The following GABRA2 variants were observed in gnomAD, a reference collection of about 807,000 sequenced individuals.
GABRA2 encodes the protein gamma-aminobutyric acid receptor subunit alpha-2.
Under a neutral mutation model 48.7 loss-of-function variants are expected in GABRA2, and 16 were observed. The observed-to-expected ratio is 0.33, with a 90% confidence interval of 0.22 to 0.50. The LOEUF is 0.50. Among genes scored for constraint, GABRA2 ranks in the 20% least tolerant of loss-of-function variants. The pLI, the probability that GABRA2 is intolerant of heterozygous loss-of-function variation, is 0.98. For synonymous variants in GABRA2, 185 were observed against 184.5 expected, an observed-to-expected ratio of 1.00 and a Z score of -0.02; for missense variants, 275 against 535.6, an observed-to-expected ratio of 0.51 and a Z score of 4.80.
At chr4:46,261,820 T>C (rs1717034413) in intron 9 of GABRA2, 106 bp downstream of exon 9, 9 of 929,766 alleles carry the variant, frequency 9.7e-6, no homozygotes, top group Non-Finnish European at 1.2e-5. Context: ...TTCAAATTCA[T>C]ATATATATGG....
At chr4:46,316,445 G>A (rs919276002) in intron 4 of GABRA2, among the ~76,000 whole-genome samples, 2 of 151,960 alleles carry the variant, frequency 1.3e-5, no homozygotes, top group African/African-American at 4.8e-5. Flanking sequence ...ACAAATATAG[G>A]CAGCTGACAG....
chr4:46,373,604 A>G (rs1008403359), intron 3 of GABRA2, among the ~76,000 whole-genome samples: 1 of 152,164 alleles, frequency 6.6e-6, no homozygotes, highest in Admixed American at 6.5e-5. Context: ...CTGCAACTCT[A>G]TAATTGCCAC....
chr4:46,329,499 C>A (rs1730973685), intron 4 of GABRA2, among the ~76,000 whole-genome samples: 1 of 152,066 alleles, frequency 6.6e-6, no homozygotes, highest in Admixed American at 6.6e-5. Flanking sequence ...CTGCACGTTC[C>A]TGTAGCAGCA....
chr4:46,254,405 T>C (rs1715409230), intron 9 of GABRA2, among the ~76,000 whole-genome samples: 1 of 151,552 alleles, frequency 6.6e-6, no homozygotes, highest in Admixed American at 6.6e-5. Flanking sequence ...TTTTTAACGC[T>C]TATGTTCCTA....
chr4:46,306,272 C>A (rs1726680061), intron 6 of GABRA2, among the ~76,000 whole-genome samples: 1 of 152,080 alleles, frequency 6.6e-6, no homozygotes. Flanking sequence ...CTTTTAAAAT[C>A]ATGCTCGTTT....
intron 8 of GABRA2, 33 bp from the exon 9 acceptor site, chr4:46,262,161 A>G: frequency 6.3e-7 from 1 of 1,575,130 alleles, no homozygotes; most frequent in Non-Finnish European, 8.7e-7. Context: ...CGAAAACATC[A>G]ATAGGTACTA....
At position 46,243,591 on chromosome 4, in the gene GABRA2, A is replaced by G. The variant is rs1713153969; in HGVS notation, c.*6717T>C. On this transcript the variant is annotated 3_prime_UTR_variant, in exon 10 of 10. Coordinates refer to ENST00000381620, the MANE Select transcript of GABRA2 (RefSeq NM_000807.4). ...AATAAATACAAAAAAGTTGTTTAGC[A>G]TTAATTTGCATGTGATTAGTTAGGA... is the stretch of plus-strand genomic sequence containing the variant. 2.0e-5 allele frequency: 3 copies of G among 151,726 alleles called. No individual in the cohort carries two copies. In the South Asian group the frequency reaches 6.2e-4, roughly 31 times the overall value. The allele number at this position is 151,726 out of a possible 1,614,324, so 9.4% of individuals were successfully genotyped here. A position where few individuals can be genotyped will look rare whatever the true frequency, so the allele number is the denominator to read the frequency against.
intron 4 of GABRA2, among the ~76,000 whole-genome samples, chr4:46,314,880 A>G (rs902867232): frequency 1.3e-5 from 2 of 152,024 alleles, no homozygotes; most frequent in Admixed American, 6.6e-5. Context: ...TCTTTATCCA[A>G]TCTGTCATTG....
chr4:46,249,098 T>A lies in GABRA2; in HGVS notation c.*1210A>T, dbSNP rs1479695623. On this transcript the variant is annotated 3_prime_UTR_variant, in exon 10 of 10. Transcript: ENST00000381620. ...CGTGAAATAATCCACAATCTATTGG[T>A]GATGTTTTAAAGTTGCAGTGTAAAA... The A allele has an allele frequency of 9.6e-5, 14 of 145,742 alleles. No individual in the cohort carries two copies. In the Admixed American group the frequency reaches 9.7e-4, roughly 10 times the overall value. 9.0% of individuals were successfully genotyped at this position (145,742 alleles called of 1,614,324 possible). A position where few individuals can be genotyped will look rare whatever the true frequency, so the allele number is the denominator to read the frequency against.
intron 3 of GABRA2, among the ~76,000 whole-genome samples, chr4:46,343,487 C>T: frequency 6.6e-6 from 1 of 151,548 alleles, no homozygotes; most frequent in African/African-American, 2.4e-5. Flanking sequence ...GAATATTAGG[C>T]CTAACCAGCA....
In GABRA2 at chr4:46,339,573, G is replaced by A. The variant is rs190538751; in HGVS notation, c.188-6891C>T. ...AGCTTATTATAGCCTAACAAAGAGAGATACTATGCAAAAAATCAAATAAAT... is the reference window on the plus strand; with the variant it reads ...AGCTTATTATAGCCTAACAAAGAGAAATACTATGCAAAAAATCAAATAAAT... On this transcript the variant is annotated intron_variant, in intron 3 of 9. Transcript: ENST00000381620. 1.4e-3 allele frequency among the ~76,000 whole-genome samples: 210 copies of A among 151,926 alleles called. 2 individuals carry two copies. Among genetic ancestry groups the A allele is most frequent in the African/African-American group, 4.9e-3 (205 of 41,504 alleles).
chr4:46,380,922 G>A (rs1288864970), intron 3 of GABRA2, among the ~76,000 whole-genome samples: 1 of 152,090 alleles, frequency 6.6e-6, no homozygotes, highest in Admixed American at 6.5e-5. Context: ...TTTGAAAACT[G>A]ACCATCAGAC....
intron 9 of GABRA2, chr4:46,256,225 C>G: frequency 1.5e-6 from 1 of 687,900 alleles, no homozygotes. Context: ...AACAGTCCAT[C>G]CACTTCTCTA....
intron 8 of GABRA2, among the ~76,000 whole-genome samples, chr4:46,274,644 A>G (rs1469206613): frequency 2.0e-5 from 3 of 152,038 alleles, no homozygotes; most frequent in Non-Finnish European, 4.4e-5. Flanking sequence ...TGGAAGGAAA[A>G]CCTATAAGCA....
rs1258572299 is a variant in GABRA2 at position 46,250,618 on chromosome 4, C to G, written c.1060-14G>C. 1 of 1,568,388 alleles carries G rather than the reference C, an allele frequency of 6.4e-7. No homozygotes were observed. Among genetic ancestry groups the G allele is most frequent in the Non-Finnish European group, 8.6e-7 (1 of 1,157,990 alleles). ...CTTTTCTTTTTTCTATTGAAAAATA[C>G]AAAAATTAACAGAGTGTGGGTTGAG... On this transcript the variant is annotated splice_polypyrimidine_tract_variant and intron_variant, in intron 9 of 9. Transcript: ENST00000381620.
At chr4:46,354,673 T>TA (rs949603612) in intron 3 of GABRA2, among the ~76,000 whole-genome samples, 13 of 152,246 alleles carry the variant, frequency 8.5e-5, no homozygotes, top group Non-Finnish European at 1.2e-4. Flanking sequence ...AGGTGGCTTT[T>TA]AAAAAAACCT....
intron 8 of GABRA2, among the ~76,000 whole-genome samples, chr4:46,267,581 A>C (rs2109382873): frequency 6.6e-6 from 1 of 152,080 alleles, no homozygotes; most frequent in Admixed American, 6.6e-5. Flanking sequence ...GCAAATCTGG[A>C]AATCAGATTC....
chr4:46,255,358 C>T (rs6857343), intron 9 of GABRA2, among the ~76,000 whole-genome samples: 13,068 of 151,406 alleles, frequency 0.086, 1,866 homozygotes, highest in African/African-American at 0.3. Flanking sequence ...ATAGCTTATT[C>T]TACAATTCTA....
intron 9 of GABRA2, among the ~76,000 whole-genome samples, chr4:46,258,880 G>T (rs541561342): frequency 1.6e-4 from 24 of 151,896 alleles, no homozygotes; most frequent in African/African-American, 5.8e-4. Flanking sequence ...TAAATGAAAA[G>T]GAAATTAGAT....
Sources: gnomAD v4.1 joint callset for allele counts (sites outside exome capture counted in the v4.1 genomes callset) on GRCh38, gnomAD v4.1.1 for gene constraint, MANE v1.5 for transcripts, NCBI Gene and HGNC (gene_info 2026-07-23, HGNC 2026-07-21) for gene names.